The following EPB41 variants were observed in gnomAD, a reference collection of about 807,000 sequenced individuals.
EPB41 encodes the protein erythrocyte membrane protein band 4.1.
EPB41 carries 65 observed loss-of-function variants against 108.0 expected under a neutral mutation model. That is an observed-to-expected ratio of 0.60 (90% CI 0.49 to 0.74). The LOEUF (loss-of-function observed/expected upper bound fraction) is 0.74. Ranked by LOEUF, EPB41 falls within the 30% of genes least tolerant of loss-of-function variation. The pLI is 0.00. For synonymous variants in EPB41, 336 were observed against 358.9 expected (o/e 0.94, Z 0.72); for missense variants, 875 against 1,037.0 (o/e 0.84, Z 2.15).
At chr1:29,058,439 CTGTA>C (rs1645928330) in intron 12 of EPB41, 146 bp from the exon 13 acceptor site, 1 of 738,112 alleles carries the variant, frequency 1.4e-6, no homozygotes, top group Non-Finnish European at 2.4e-6. Context: ...ATATCCTTCC[CTGTA>C]ACACCCTCCA....
chr1:29,020,017 A>C (rs921294094), intron 7 of EPB41, among the ~76,000 whole-genome samples: 2 of 152,202 alleles, frequency 1.3e-5, no homozygotes, highest in Admixed American at 6.5e-5. Context: ...CTTGTTGATG[A>C]CTATAACTTA....
chr1:29,096,386 C>A, intron 16 of EPB41: 2 of 985,854 alleles, frequency 2.0e-6, no homozygotes, highest in Non-Finnish European at 2.4e-6. Context: ...TAAGGAGATG[C>A]CAAGAGGCCC....
rs1018976685 is a variant in EPB41 at position 29,018,915 on chromosome 1, T to C, written c.1124+473T>C. Among the ~76,000 whole-genome samples the C allele has an allele frequency of 3.9e-5, 6 of 152,184 alleles. No individual in the cohort carries two copies. Among genetic ancestry groups the C allele is most frequent in the Non-Finnish European group, 7.3e-5 (5 of 68,042 alleles). On this transcript the variant is annotated intron_variant, in intron 7 of 20. Transcript: ENST00000343067. This position sits in a 1 kb window ranked among gnomAD's most constrained non-coding sequence, Gnocchi z 4.4. ...AAATTTACTGACTATACTGCTTTTATACATGAAAATGATTGGTAATGCTGG... is the reference window on the plus strand; with the variant it reads ...AAATTTACTGACTATACTGCTTTTACACATGAAAATGATTGGTAATGCTGG...
intron 1 of EPB41, among the ~76,000 whole-genome samples, chr1:28,986,509 A>G (rs2095872302): frequency 6.6e-6 from 1 of 152,108 alleles, no homozygotes. Context: ...GTGAATCAAC[A>G]CTTGCTTTAT....
rs572411293 is a variant in EPB41, at chr1:29,076,760, A to G, written c.2184+11602A>G. Among the ~76,000 whole-genome samples the G allele has an allele frequency of 3.6e-3, 555 of 152,254 alleles. 5 individuals are homozygous for G. Among genetic ancestry groups the G allele is most frequent in the African/African-American group, 0.013 (524 of 41,528 alleles). ...GATTCTCAGAGGTAAGAGGCTCTTTAGGCCAAGCACGGTGGCTCATGCCTG... is the reference window on the plus strand; with the variant it reads ...GATTCTCAGAGGTAAGAGGCTCTTTGGGCCAAGCACGGTGGCTCATGCCTG... On this transcript the variant is annotated intron_variant, in intron 16 of 20. Transcript: ENST00000343067.
At chr1:28,939,085 C>G (rs1172954038) in intron 1 of EPB41, among the ~76,000 whole-genome samples, 1 of 152,114 alleles carries the variant, frequency 6.6e-6, no homozygotes, top group Non-Finnish European at 1.5e-5. Flanking sequence ...AAACCTTCAG[C>G]CTTGCTCTGT....
At chr1:29,016,417 A>G (rs1281998578) in intron 6 of EPB41, among the ~76,000 whole-genome samples, 1 of 146,448 alleles carries the variant, frequency 6.8e-6, no homozygotes. Flanking sequence ...TTGAACTCCT[A>G]ACCTCAGGTG....
intron 5 of EPB41, among the ~76,000 whole-genome samples, chr1:29,012,610 C>A (rs2096522335): frequency 6.6e-6 from 1 of 152,122 alleles, no homozygotes; most frequent in South Asian, 2.1e-4. Context: ...ACTACCTGTC[C>A]TTTTAGTTTA....
intron 1 of EPB41, among the ~76,000 whole-genome samples, chr1:28,904,504 T>A (rs1402868686): frequency 6.6e-6 from 1 of 152,152 alleles, no homozygotes; most frequent in Non-Finnish European, 1.5e-5. Context: ...ACCTCTAAGG[T>A]AATGGTATTT....
At position 28,981,131 on chromosome 1, in the gene EPB41, G is replaced by T. The variant is rs140820470; in HGVS notation, c.-7-6300G>T. Among the ~76,000 whole-genome samples the T allele has an allele frequency of 3.0e-3, 450 of 152,260 alleles. 5 individuals carry two copies. The highest frequency in any genetic ancestry group is 9.7e-3 in the African/African-American group (404 of 41,558). Reference sequence around the variant, plus strand: ...GTCTGAAGAAACCAGTGAAGTTACCGACTGGTTCAAAAATAATTACGTGCA... The same window carrying T: ...GTCTGAAGAAACCAGTGAAGTTACCTACTGGTTCAAAAATAATTACGTGCA... On this transcript the variant is annotated intron_variant, in intron 1 of 20. Coordinates refer to ENST00000343067, the MANE Select transcript of EPB41 (RefSeq NM_001376013.1).
intron 11 of EPB41, chr1:29,041,560 A>T (rs1464561137): frequency 2.0e-5 from 3 of 152,204 alleles, no homozygotes. Context: ...ATTATTTGTT[A>T]CCAGTGTACA....
At chr1:29,024,416 G>A (rs1405826986) in intron 7 of EPB41, among the ~76,000 whole-genome samples, 4 of 151,612 alleles carry the variant, frequency 2.6e-5, no homozygotes, top group Admixed American at 6.6e-5. Flanking sequence ...GGTGGATCAC[G>A]AGGTCAGGAG....
At chr1:28,892,457 C>G (rs1483596439) in intron 1 of EPB41, among the ~76,000 whole-genome samples, 1 of 152,140 alleles carries the variant, frequency 6.6e-6, no homozygotes, top group Non-Finnish European at 1.5e-5. Context: ...CGTGGTGGCT[C>G]AAGCCTATAA....
Position 28,987,527 on chromosome 1 carries a change from A to G in EPB41, c.90A>G (p.Gln30=), listed in dbSNP as rs758679104. The change falls in exon 2 of 21, where the codon CAA becomes CAG. Residue 30 remains glutamine (Q), a synonymous_variant. Transcript: ENST00000343067. ...EEGEEAINSG[Q]QEPQQEESCQ... ...GTGAGGAAGCCATAAACTCAGGCCA[A>G]CAAGAACCTCAGCAGGAGGAATCTT... is the stretch of plus-strand genomic sequence containing the variant. 1.5e-5 allele frequency: 24 copies of G among 1,614,110 alleles called. No homozygotes were observed. Among genetic ancestry groups the G allele is most frequent in the Middle Eastern group, 1.6e-4 (1 of 6,084 alleles).
At chr1:29,101,943 T>C (rs1261737581) in intron 17 of EPB41, among the ~76,000 whole-genome samples, 1 of 152,112 alleles carries the variant, frequency 6.6e-6, no homozygotes, top group African/African-American at 2.4e-5. Flanking sequence ...ACCAGGAATA[T>C]GACTAGAACA....
In EPB41 at chr1:28,988,054, G is replaced by A. The variant is rs1034208552; in HGVS notation, c.468+149G>A. 14 of 807,846 alleles carry A rather than the reference G, an allele frequency of 1.7e-5. No individual in the cohort carries two copies. In the East Asian group the frequency reaches 3.7e-4, roughly 22 times the overall value. 50.0% of individuals were successfully genotyped at this position (807,846 alleles called of 1,614,324 possible). A position where few individuals can be genotyped will look rare whatever the true frequency, so the allele number is the denominator to read the frequency against. On this transcript the variant is annotated intron_variant, in intron 2 of 20. Transcript: ENST00000343067. ...GAGGCAGGCGGATCAACTGAGGTCA[G>A]GAGTTCGAGACCAGCCTGGCCAACA...
At chr1:28,968,244 A>C (rs1447845048) in intron 1 of EPB41, among the ~76,000 whole-genome samples, 1 of 151,594 alleles carries the variant, frequency 6.6e-6, no homozygotes, top group Non-Finnish European at 1.5e-5. Context: ...AGTCCCAGCT[A>C]CTCGGGAGGC....
intron 10 of EPB41, 76 bp from the exon 11 acceptor site, chr1:29,039,176 GAT>G (rs1640581737): frequency 6.8e-7 from 1 of 1,463,602 alleles, no homozygotes; most frequent in Admixed American, 1.9e-5. Flanking sequence ...TTTTATTCTT[GAT>G]TTTGTTTTTA....
At chr1:29,009,354 A>G (rs1416721110) in intron 4 of EPB41, among the ~76,000 whole-genome samples, 4 of 152,180 alleles carry the variant, frequency 2.6e-5, no homozygotes, top group South Asian at 2.1e-4. Flanking sequence ...AATTTATTCT[A>G]CATGGTAGCT....
Sources: gnomAD v4.1 joint callset for allele counts (sites outside exome capture counted in the v4.1 genomes callset) on GRCh38, gnomAD v4.1.1 for gene constraint, Gnocchi (gnomAD v3.1) non-coding constraint, MANE v1.5 for transcripts, NCBI Gene and HGNC (gene_info 2026-07-23, HGNC 2026-07-21) for gene names.